The following PPP2R3C variants were observed in gnomAD, a reference collection of about 807,000 sequenced individuals.
The protein encoded by PPP2R3C is protein phosphatase 2 regulatory subunit B''gamma, also known as serine/threonine-protein phosphatase 2A regulatory subunit B'' subunit gamma.
Under a neutral mutation model 63.7 loss-of-function variants are expected in PPP2R3C, and 47 were observed. The observed-to-expected ratio is 0.74, with a 90% CI of 0.58 to 0.94. The LOEUF (loss-of-function observed/expected upper bound fraction) is 0.94. PPP2R3C is among the 40% of genes least tolerant of loss of function. The pLI, the probability that PPP2R3C is intolerant of heterozygous loss-of-function variation, is 0.00. For synonymous variants in PPP2R3C, 180 were observed against 177.4 expected (o/e 1.01, Z -0.12); for missense variants, 421 against 518.4 (o/e 0.81, Z 1.82).
Position 35,085,767 on chromosome 14 carries a change from A to G in PPP2R3C, c.1185T>C (p.Phe395=). The change falls in exon 13 of 13, where the codon TTT becomes TTC. Residue 395 remains phenylalanine, a synonymous_variant. Transcript: ENST00000261475. ...VSFQDVKDEI[F]DMVKPKDPLK... ...AAGGATCCTTTGGTTTTACCATGTC[A>G]AAGATTTCATCCTGCAAGAGAAAAA... is the stretch of plus-strand genomic sequence containing the variant. 6.2e-7 allele frequency: 1 copy of G among 1,602,828 alleles called. No individual in the cohort carries two copies. The highest frequency in any genetic ancestry group is 8.5e-7 in the Non-Finnish European group (1 of 1,174,502).
chr14:35,096,613 G>T lies in PPP2R3C; in HGVS notation c.783C>A (p.Ser261=). 1 of 1,613,664 alleles carries T rather than the reference G, an allele frequency of 6.2e-7. No individual in the cohort carries two copies. The highest frequency in any genetic ancestry group is 1.1e-5 in the South Asian group (1 of 91,032). The part of the protein sequence containing the change: ...DLLELRDEEL[S]KESQETNWFS... ...ACCAATTTGTTTCTTGACTCTCCTT[G>T]GACAGTTCCTCATCCCTTAGCTAAT... is the stretch of plus-strand genomic sequence containing the variant. Residue 261 remains serine, a synonymous_variant, in exon 9 of 13, where the codon TCC becomes TCA. Transcript: ENST00000261475.
In PPP2R3C at chr14:35,121,943, A is replaced by T. The variant is rs1566434048; in HGVS notation, c.17T>A (p.Val6Asp). MDWKE[V>D]LRRRLATPNT... ...GGGCGTCGCTAGGCGCCGACGAAGA[A>T]CTTCTTTCCAGTCCATGGCCGACTT... Residue 6 changes from valine to aspartate, a missense_variant, in exon 1 of 13, where the codon GTT (valine) becomes GAT (aspartate). By Grantham distance (152) the Val-to-Asp change is radical. This residue lies in a region of PPP2R3C where 143 missense variants were observed against 151.2 expected (regional missense o/e 0.95). Transcript: ENST00000261475. 10 of 1,614,098 alleles carry T rather than the reference A, an allele frequency of 6.2e-6. No individual in the cohort carries two copies. The highest frequency in any genetic ancestry group is 7.6e-6 in the Non-Finnish European group (9 of 1,180,002).
intron 10 of PPP2R3C, among the ~76,000 whole-genome samples, chr14:35,094,175 G>A (rs1180466124): frequency 6.6e-6 from 1 of 151,838 alleles, no homozygotes; most frequent in East Asian, 1.9e-4. Context: ...ATTTACTAAT[G>A]TTTCAGCTTT....
chr14:35,118,918 C>T (rs2046781608), intron 1 of PPP2R3C, among the ~76,000 whole-genome samples: 1 of 151,914 alleles, frequency 6.6e-6, no homozygotes, highest in Admixed American at 6.6e-5. Flanking sequence ...TCCCAAAGTG[C>T]TGGGATTACA....
chr14:35,109,721 G>T, intron 4 of PPP2R3C, 98 bp downstream of exon 4: 3 of 977,322 alleles, frequency 3.1e-6, no homozygotes, highest in Non-Finnish European at 4.5e-6. Flanking sequence ...CTCCAAAACT[G>T]CTGGGATTAC....
Position 35,121,948 on chromosome 14 carries a change from T to C in PPP2R3C, c.12A>G (p.Lys4=). ...TCGCTAGGCGCCGACGAAGAACTTC[T>C]TTCCAGTCCATGGCCGACTTCCGCG... The part of the protein sequence containing the change: MDW[K]EVLRRRLATP... Residue 4 remains lysine, a synonymous_variant, in exon 1 of 13, where the codon AAA becomes AAG. Transcript: ENST00000261475. 6.2e-7 allele frequency: 1 copy of C among 1,614,192 alleles called. No homozygotes were observed. The highest frequency in any genetic ancestry group is 8.5e-7 in the Non-Finnish European group (1 of 1,180,034).
At chr14:35,118,065 G>C (rs2046758489) in intron 1 of PPP2R3C, among the ~76,000 whole-genome samples, 1 of 152,098 alleles carries the variant, frequency 6.6e-6, no homozygotes. Flanking sequence ...TGCTGTTGTA[G>C]AAAACTGCAA....
At chr14:35,086,498 CT>C (rs1159003633) in intron 12 of PPP2R3C, 4,443 of 125,190 alleles carry the variant, frequency 0.035, 76 homozygotes, top group Middle Eastern at 0.14. Flanking sequence ...TGCGCCCAGC[CT>C]TTTTTTTTTT....
intron 2 of PPP2R3C, among the ~76,000 whole-genome samples, chr14:35,114,256 T>C (rs1218085537): frequency 1.3e-5 from 2 of 152,226 alleles, no homozygotes; most frequent in Non-Finnish European, 2.9e-5. Context: ...TTGGGTGATG[T>C]TGTCATGGGA....
chr14:35,120,688 T>C lies in PPP2R3C; in HGVS notation c.58+1214A>G, dbSNP rs575969675. 4.6e-5 allele frequency among the ~76,000 whole-genome samples: 7 copies of C among 152,274 alleles called. No individual in the cohort carries two copies. The South Asian group carries it at 1.4e-3, about 32-fold the overall frequency. ...TTGCCTGGGTGCGGCGGCTCACGTC[T>C]GTAATAGCAACACTTTGGGAGGTGG... On this transcript the variant is annotated intron_variant, in intron 1 of 12. Coordinates refer to ENST00000261475, the MANE Select transcript of PPP2R3C (RefSeq NM_017917.4).
At chr14:35,110,183 G>A (rs1443929474) in intron 3 of PPP2R3C, 4 of 450,004 alleles carry the variant, frequency 8.9e-6, no homozygotes, top group Non-Finnish European at 1.6e-5. Flanking sequence ...CTACTTTAGA[G>A]ATGATAATCG....
chr14:35,088,667 C>G (rs1251460208), intron 11 of PPP2R3C, among the ~76,000 whole-genome samples: 2 of 152,090 alleles, frequency 1.3e-5, no homozygotes, highest in African/African-American at 2.4e-5. Flanking sequence ...AAAGGAATCC[C>G]TTTGAAGTAG....
chr14:35,096,841 T>A (rs1344692554), intron 7 of PPP2R3C, 77 bp from the exon 8 acceptor site: 18 of 1,287,322 alleles, frequency 1.4e-5, no homozygotes, highest in Non-Finnish European at 1.7e-5. Flanking sequence ...AAAATTTTTT[T>A]AACAAGAGCA....
chr14:35,104,617 C>T (rs1033791606), intron 6 of PPP2R3C, among the ~76,000 whole-genome samples: 4 of 152,190 alleles, frequency 2.6e-5, no homozygotes, highest in Non-Finnish European at 4.4e-5. Context: ...TTATAATTCT[C>T]TGTTGATAAC....
At chr14:35,091,235 G>C (rs1205201113) in intron 10 of PPP2R3C, 28 bp from the exon 11 acceptor site, 2 of 1,560,928 alleles carry the variant, frequency 1.3e-6, no homozygotes, top group Non-Finnish European at 1.7e-6. Flanking sequence ...ATGTTCATTA[G>C]AGGCCTTAGT....
At chr14:35,100,160 T>C (rs2046139601) in intron 6 of PPP2R3C, 1 of 152,194 alleles carries the variant, frequency 6.6e-6, no homozygotes, top group South Asian at 2.1e-4. Flanking sequence ...TGAGAATAAA[T>C]AGCTATATAT....
chr14:35,091,470 C>T lies in PPP2R3C; in HGVS notation c.976-263G>A, dbSNP rs570009752. Among the ~76,000 whole-genome samples the T allele has an allele frequency of 1.1e-4, 17 of 152,062 alleles. 1 individual carries two copies. In the South Asian group the frequency reaches 3.5e-3, roughly 32 times the overall value. ...ACAACCTCCACCTCCCGGGTTCAAG[C>T]AATTCTCCTGCCTCAGCCTCCGGAG... is the stretch of plus-strand genomic sequence containing the variant. On this transcript the variant is annotated intron_variant, in intron 10 of 12. Transcript: ENST00000261475.
At chr14:35,092,716 C>T (rs2045862665) in intron 10 of PPP2R3C, among the ~76,000 whole-genome samples, 1 of 152,176 alleles carries the variant, frequency 6.6e-6, no homozygotes, top group Non-Finnish European at 1.5e-5. Flanking sequence ...ATCCACCCAC[C>T]TCGGCCTCCC....
At chr14:35,086,627 AGCT>A (rs2045605862) in intron 12 of PPP2R3C, 1 of 152,072 alleles carries the variant, frequency 6.6e-6, no homozygotes, top group Non-Finnish European at 1.5e-5. Flanking sequence ...CCTTCCAAGT[AGCT>A]GGGATTACAG....
Sources: gnomAD v4.1 joint callset for allele counts (sites outside exome capture counted in the v4.1 genomes callset) on GRCh38, gnomAD v4.1.1 for gene constraint, gnomAD v4.1.1 regional missense constraint, MANE v1.5 for transcripts, NCBI Gene and HGNC (gene_info 2026-07-23, HGNC 2026-07-21) for gene names.